COL11A1: variants seen among roughly 807,000 people sequenced by gnomAD.
The protein encoded by COL11A1 is collagen alpha-1(XI) chain.
A neutral mutation model predicts 265.2 loss-of-function variants in COL11A1; 74 were observed. The ratio of observed to expected loss-of-function variants is 0.28; its 90% CI spans 0.23 to 0.34. The LOEUF is 0.34. COL11A1 is among the 10% of genes least tolerant of loss of function. COL11A1 has a pLI of 1.00. For missense variants in COL11A1, 2,165 were observed against 2,263.6 expected (o/e 0.96, Z 0.88); for synonymous variants, 816 against 727.6 (o/e 1.12, Z -1.96).
At chr1:102,977,322 A>T (rs1275994813) in intron 35 of COL11A1, among the ~76,000 whole-genome samples, 1 of 152,306 alleles carries the variant, frequency 6.6e-6, no homozygotes, top group East Asian at 1.9e-4. Flanking sequence ...TCCTGTATAG[A>T]CATTGAAAAC....
At chr1:102,998,930 G>C (rs75164834) in intron 24 of COL11A1, among the ~76,000 whole-genome samples, 1 of 151,908 alleles carries the variant, frequency 6.6e-6, no homozygotes, top group Admixed American at 6.6e-5. Flanking sequence ...TAATTCAACA[G>C]ATTAATCCCT....
intron 46 of COL11A1, among the ~76,000 whole-genome samples, chr1:102,928,787 C>G (rs1304039426): frequency 1.3e-4 from 18 of 143,974 alleles, no homozygotes; most frequent in African/African-American, 4.6e-4. Flanking sequence ...GATTGCCATT[C>G]TAACTGGTGT....
At chr1:102,903,823 CATATGTACAGTGTATAA>C (rs1653540146) in intron 54 of COL11A1, among the ~76,000 whole-genome samples, 1 of 152,180 alleles carries the variant, frequency 6.6e-6, no homozygotes, top group South Asian at 2.1e-4. Flanking sequence ...AGTGACCTCA[CATATGTACAGTGTATAA>C]ACAGAGTGAT....
chr1:103,076,971 T>C (rs1442242012), intron 3 of COL11A1, among the ~76,000 whole-genome samples: 1 of 152,120 alleles, frequency 6.6e-6, no homozygotes, highest in Non-Finnish European at 1.5e-5. Context: ...TCTAAATTAT[T>C]ATGGCAGTTG....
intron 12 of COL11A1, among the ~76,000 whole-genome samples, chr1:103,015,324 T>C (rs1666475809): frequency 1.3e-5 from 2 of 151,926 alleles, no homozygotes; most frequent in South Asian, 2.1e-4. Flanking sequence ...TATTTATGAC[T>C]ATATAGATAA....
chr1:102,968,041 T>G (rs961680471), intron 37 of COL11A1, among the ~76,000 whole-genome samples: 6 of 152,186 alleles, frequency 3.9e-5, no homozygotes, highest in Non-Finnish European at 8.8e-5. Flanking sequence ...GCTCATTCAA[T>G]CCATTCAGAG....
Position 103,049,522 on chromosome 1 carries a change from C to T in COL11A1, c.652-18278G>A, listed in dbSNP as rs533714520. On this transcript the variant is annotated intron_variant, in intron 4 of 66. Transcript: ENST00000370096. ...GCAGGTGAGATGGGTTTCCTGAATA[C>T]AGCACACTGATGGGTCTTGACTCTT... 9.9e-5 allele frequency among the ~76,000 whole-genome samples: 15 copies of T among 152,266 alleles called. 1 individual carries two copies. Among genetic ancestry groups the T allele is most frequent in the African/African-American group, 3.6e-4 (15 of 41,554 alleles).
At chr1:103,090,504 C>A (rs1673235294) in intron 1 of COL11A1, among the ~76,000 whole-genome samples, 1 of 152,060 alleles carries the variant, frequency 6.6e-6, no homozygotes, top group African/African-American at 2.4e-5. Flanking sequence ...TGGGACATGC[C>A]AAGCCTATAA....
rs74802551 is a variant in COL11A1 at position 103,095,443 on chromosome 1, G to T, written c.107-12471C>A. ...ATATCAAATAAAAAGAACAGGCAAG[G>T]CCTCAATAAGAAAATGATATTTGGG... On this transcript the variant is annotated intron_variant, in intron 1 of 66. Coordinates refer to ENST00000370096, the MANE Select transcript of COL11A1 (RefSeq NM_001854.4). Among the ~76,000 whole-genome samples the T allele has an allele frequency of 6.4e-4, 98 of 151,998 alleles. No homozygotes were observed. The East Asian group carries it at 8.5e-3, about 13-fold the overall frequency.
intron 57 of COL11A1, 108 bp downstream of exon 57, chr1:102,898,017 G>T: frequency 1.7e-6 from 1 of 591,770 alleles, no homozygotes; most frequent in Non-Finnish European, 2.9e-6. Flanking sequence ...TGGACTATTA[G>T]AAAAAATACA....
rs768963431 is a variant in COL11A1, at chr1:102,920,405, T to C, written c.3709-41A>G. On this transcript the variant is annotated intron_variant, in intron 48 of 66. Coordinates refer to ENST00000370096, the MANE Select transcript of COL11A1 (RefSeq NM_001854.4). ...AGGAATGTAATTATCCATATTCTTA[T>C]TAAAATAATGCATTCGTAAACATAT... 1.9e-6 allele frequency: 3 copies of C among 1,538,830 alleles called. No homozygotes were observed. The South Asian group carries it at 3.3e-5, about 17-fold the overall frequency.
intron 20 of COL11A1, 92 bp from the exon 21 acceptor site, chr1:103,003,360 T>C (rs1172617189): frequency 7.6e-7 from 1 of 1,319,094 alleles, no homozygotes; most frequent in African/African-American, 1.5e-5. Context: ...AGGTTATTTT[T>C]AGAATAAAAA....
chr1:102,887,127 G>A, intron 62 of COL11A1, 71 bp from the exon 63 acceptor site: 1 of 1,588,734 alleles, frequency 6.3e-7, no homozygotes, highest in Non-Finnish European at 8.6e-7. Context: ...ATTATTACTG[G>A]TTATGTTTTT....
intron 46 of COL11A1, among the ~76,000 whole-genome samples, chr1:102,927,816 A>G (rs1418217732): frequency 6.6e-6 from 1 of 152,182 alleles, no homozygotes; most frequent in Non-Finnish European, 1.5e-5. Context: ...TAAAATGATA[A>G]TAATCGATCT....
At chr1:103,059,781 C>G (rs1670521174) in intron 4 of COL11A1, among the ~76,000 whole-genome samples, 1 of 152,128 alleles carries the variant, frequency 6.6e-6, no homozygotes, top group African/African-American at 2.4e-5. Context: ...AGGAAAGAAT[C>G]TGAGTTTGAG....
chr1:103,048,110 G>C (rs193205760), intron 4 of COL11A1, among the ~76,000 whole-genome samples: 1 of 152,264 alleles, frequency 6.6e-6, no homozygotes, highest in African/African-American at 2.4e-5. Flanking sequence ...GGATGATGCT[G>C]GCCTCATAAA....
Position 103,078,747 on chromosome 1 carries a change from T to G in COL11A1, c.399A>C (p.Arg133Ser), listed in dbSNP as rs1366081032. The G allele has an allele frequency of 1.9e-6, 3 of 1,613,424 alleles. No individual in the cohort carries two copies. In the South Asian group the frequency reaches 3.3e-5, roughly 18 times the overall value. The change falls in exon 3 of 67, where the codon AGA becomes AGC. Residue 133 changes from arginine to serine, a missense_variant. Coordinates refer to ENST00000370096, the MANE Select transcript of COL11A1 (RefSeq NM_001854.4). ...GGTCTTCAAACAGAAAAACAGGTGA[T>G]CTCCCAACCTCAACACCAATTTGCT... ...GIQQIGVEVGRSPVFLFEDHT... is the reference protein window; with the variant it reads ...GIQQIGVEVGSSPVFLFEDHT...
chr1:103,080,496 A>G (rs1007030287), intron 2 of COL11A1, among the ~76,000 whole-genome samples: 13 of 151,978 alleles, frequency 8.6e-5, no homozygotes, highest in Non-Finnish European at 1.6e-4. Flanking sequence ...TAATCCAATT[A>G]AAAATGGACA....
At chr1:103,004,733 T>A in intron 18 of COL11A1, 72 bp from the exon 19 acceptor site, 2 of 1,329,740 alleles carry the variant, frequency 1.5e-6, no homozygotes, top group Non-Finnish European at 2.1e-6. Context: ...CAGGTAGCTA[T>A]CCAAACCAAA....
Sources: allele counts gnomAD v4.1 joint callset (sites outside exome capture counted in the v4.1 genomes callset), GRCh38; gene constraint gnomAD v4.1.1; transcripts MANE v1.5; gene names NCBI Gene and HGNC (gene_info 2026-07-23, HGNC 2026-07-21).